TMTC2: variants seen among roughly 807,000 people sequenced by gnomAD.
TMTC2 encodes the protein transmembrane O-mannosyltransferase targeting cadherins 2.
Under a neutral mutation model 82.4 loss-of-function variants are expected in TMTC2, and 43 were observed. The ratio of observed to expected loss-of-function variants is 0.52; its 90% confidence interval spans 0.41 to 0.67. The LOEUF is 0.67. TMTC2 is among the 30% of genes least tolerant of loss of function. The pLI, the probability that TMTC2 is intolerant of heterozygous loss-of-function variation, is 0.00. For missense variants in TMTC2, 919 were observed against 1,012.4 expected, an observed-to-expected ratio of 0.91 and a Z score of 1.25; for synonymous variants, 408 against 381.9, an observed-to-expected ratio of 1.07 and a Z score of -0.80.
chr12:82,751,617 A>G (rs2136966586), intron 1 of TMTC2, among the ~76,000 whole-genome samples: 1 of 152,242 alleles, frequency 6.6e-6, no homozygotes, highest in Non-Finnish European at 1.5e-5. Flanking sequence ...ATTGTCACTT[A>G]ATGGGAAAGG....
intron 4 of TMTC2, 72 bp downstream of exon 4, chr12:82,930,617 G>T: frequency 1.1e-6 from 1 of 883,728 alleles, no homozygotes; most frequent in Non-Finnish European, 1.8e-6. Context: ...TGATTTAACT[G>T]CTGGAAATGG....
At chr12:83,111,572 G>A (rs1284869534) in intron 11 of TMTC2, among the ~76,000 whole-genome samples, 2 of 152,088 alleles carry the variant, frequency 1.3e-5, no homozygotes, top group East Asian at 3.9e-4. Flanking sequence ...CATATGTTCT[G>A]TAAACCCTTC....
rs1293496204 is a variant in TMTC2, at chr12:82,866,189, C to A, written c.654+8609C>A. Among the ~76,000 whole-genome samples the A allele has an allele frequency of 5.8e-5, 7 of 121,556 alleles. No individual in the cohort carries two copies. In the East Asian group the frequency reaches 6.5e-4, roughly 11 times the overall value. The allele number at this position is 121,556 out of a possible 152,430, so 79.7% of individuals were successfully genotyped here. A position where few individuals can be genotyped will look rare whatever the true frequency, so the allele number is the denominator to read the frequency against. ...AGCAGAACTGAAGGAGATAGAGACA[C>A]AAAAAAAACCCTTGAAAAAATCAAT... is the stretch of plus-strand genomic sequence containing the variant. On this transcript the variant is annotated intron_variant, in intron 2 of 11. Coordinates refer to ENST00000321196, the MANE Select transcript of TMTC2 (RefSeq NM_152588.3).
intron 8 of TMTC2, among the ~76,000 whole-genome samples, chr12:82,995,232 CAAT>C (rs1296451019): frequency 6.6e-6 from 1 of 152,064 alleles, no homozygotes; most frequent in Non-Finnish European, 1.5e-5. Flanking sequence ...ATGGTACAGA[CAAT>C]ATACATTTTT....
chr12:82,949,931 G>A (rs1286558182), intron 4 of TMTC2, among the ~76,000 whole-genome samples: 1 of 152,170 alleles, frequency 6.6e-6, no homozygotes, highest in African/African-American at 2.4e-5. Context: ...GACTGTCATT[G>A]GGAGGCTGCA....
chr12:82,954,859 A>G (rs1043582277), intron 4 of TMTC2, among the ~76,000 whole-genome samples: 14 of 152,354 alleles, frequency 9.2e-5, no homozygotes, highest in South Asian at 4.1e-4. Flanking sequence ...GAAGTAGGAA[A>G]GGGTGTGCTT....
chr12:82,831,741 A>T (rs1197244958), intron 1 of TMTC2, among the ~76,000 whole-genome samples: 6 of 152,110 alleles, frequency 3.9e-5, no homozygotes, highest in African/African-American at 1.4e-4. Context: ...AATTTTTCCC[A>T]TATGGGAAAG....
intron 1 of TMTC2, among the ~76,000 whole-genome samples, chr12:82,848,257 C>T (rs757018513): frequency 6.6e-6 from 1 of 152,130 alleles, no homozygotes; most frequent in Non-Finnish European, 1.5e-5. Context: ...TTGCCATGCT[C>T]TCTCCTGTCC....
intron 1 of TMTC2, among the ~76,000 whole-genome samples, chr12:82,713,612 C>T (rs1873751027): frequency 6.6e-6 from 1 of 152,260 alleles, no homozygotes; most frequent in East Asian, 1.9e-4. Flanking sequence ...TCTCGTGAGA[C>T]TTATTCACTA....
chr12:82,856,180 T>C (rs1403683573), intron 1 of TMTC2, among the ~76,000 whole-genome samples: 1 of 152,248 alleles, frequency 6.6e-6, no homozygotes, highest in Non-Finnish European at 1.5e-5. Flanking sequence ...TAGCAATTAG[T>C]AGGTCCTTCC....
chr12:83,094,165 C>G (rs1367852670), intron 11 of TMTC2, among the ~76,000 whole-genome samples: 1 of 152,198 alleles, frequency 6.6e-6, no homozygotes, highest in Non-Finnish European at 1.5e-5. Context: ...TCCTGTAGAT[C>G]CAACATCCGC....
chr12:82,940,628 G>T (rs1876666717), intron 4 of TMTC2, among the ~76,000 whole-genome samples: 2 of 150,140 alleles, frequency 1.3e-5, no homozygotes, highest in Admixed American at 6.6e-5. Context: ...TTCCTCTGGT[G>T]GGGCCTCTGC....
chr12:83,031,509 G>A (rs1472413446), intron 9 of TMTC2, among the ~76,000 whole-genome samples: 1 of 152,168 alleles, frequency 6.6e-6, no homozygotes, highest in Non-Finnish European at 1.5e-5. Context: ...TAGCTGGTTT[G>A]ATATTGTGTA....
intron 1 of TMTC2, among the ~76,000 whole-genome samples, chr12:82,723,064 C>A (rs927300079): frequency 6.6e-6 from 1 of 152,208 alleles, no homozygotes; most frequent in African/African-American, 2.4e-5. Context: ...CAGAGCCTGA[C>A]ACATAGTAGG....
chr12:83,077,578 T>C (rs1883323122), intron 11 of TMTC2, among the ~76,000 whole-genome samples: 1 of 151,660 alleles, frequency 6.6e-6, no homozygotes, highest in Non-Finnish European at 1.5e-5. Flanking sequence ...TGTCTTTTTT[T>C]TTATTTTATT....
chr12:83,083,986 ATCT>A (rs1418109278), intron 11 of TMTC2, among the ~76,000 whole-genome samples: 11 of 152,174 alleles, frequency 7.2e-5, no homozygotes, highest in Non-Finnish European at 4.4e-5. Context: ...GAACCTAGAA[ATCT>A]TCTCTTTTTA....
chr12:83,050,553 A>G (rs1380119995), intron 9 of TMTC2, among the ~76,000 whole-genome samples: 2 of 152,180 alleles, frequency 1.3e-5, no homozygotes, highest in East Asian at 1.9e-4. Flanking sequence ...CAATATGAAT[A>G]TACCTGTTTG....
At chr12:82,911,652 G>C (rs758056996) in intron 3 of TMTC2, among the ~76,000 whole-genome samples, 110 of 151,894 alleles carry the variant, frequency 7.2e-4, no homozygotes, top group South Asian at 4.2e-4. Flanking sequence ...GCCCAGGCTG[G>C]AGTACAGTGG....
chr12:83,016,411 G>T (rs950904664), intron 8 of TMTC2, among the ~76,000 whole-genome samples: 11 of 152,120 alleles, frequency 7.2e-5, no homozygotes, highest in African/African-American at 2.7e-4. Context: ...ACTCACTCAT[G>T]CAGAATAGAA....
Sources: allele counts gnomAD v4.1 joint callset (sites outside exome capture counted in the v4.1 genomes callset), GRCh38; gene constraint gnomAD v4.1.1; transcripts MANE v1.5; gene names NCBI Gene and HGNC (gene_info 2026-07-23, HGNC 2026-07-21).